ADGRL2: variants seen among roughly 807,000 people sequenced by gnomAD.
ADGRL2 encodes calcium-independent alpha-latrotoxin receptor 2.
A neutral mutation model predicts 157.4 loss-of-function variants in ADGRL2; 44 were observed. That is an observed-to-expected ratio of 0.28 (90% confidence interval 0.22 to 0.36). The LOEUF (loss-of-function observed/expected upper bound fraction) is 0.36, where lower values mean the gene tolerates loss of function less well. Ranked by LOEUF, ADGRL2 falls within the 10% of genes least tolerant of loss-of-function variation. The probability of loss-of-function intolerance (pLI) is 1.00; values close to 1 mark genes in which losing one functional copy is unlikely to be tolerated. For missense variants in ADGRL2, 1,510 were observed against 1,768.9 expected, an observed-to-expected ratio of 0.85 and a Z score of 2.63; for synonymous variants, 585 against 624.7, an observed-to-expected ratio of 0.94 and a Z score of 0.95.
At chr1:81,503,640 C>T (rs1166458762) in intron 2 of ADGRL2, among the ~76,000 whole-genome samples, 20 of 152,038 alleles carry the variant, frequency 1.3e-4, no homozygotes, top group East Asian at 3.9e-4. Context: ...TGCTGTACTC[C>T]GGGGGCAGGG....
At chr1:81,427,368 A>G (rs2077237506) in intron 1 of ADGRL2, 2 of 734,676 alleles carry the variant, frequency 2.7e-6, no homozygotes, top group Non-Finnish European at 5.0e-6. Flanking sequence ...GGACCAGGAT[A>G]TGGAAACCAA....
intron 2 of ADGRL2, among the ~76,000 whole-genome samples, chr1:81,772,243 CT>C (rs1240656561): frequency 4.6e-5 from 6 of 131,124 alleles, no homozygotes; most frequent in Admixed American, 2.6e-4. Flanking sequence ...GAGCCAGACT[CT>C]ATCTCAAAAA....
chr1:81,915,259 T>C (rs937603459), intron 3 of ADGRL2, among the ~76,000 whole-genome samples: 1 of 152,062 alleles, frequency 6.6e-6, no homozygotes, highest in South Asian at 2.1e-4. Flanking sequence ...AAAAGTTTTT[T>C]TACAGACAGG....
At chr1:81,916,131 T>G (rs983450524) in intron 3 of ADGRL2, among the ~76,000 whole-genome samples, 19 of 152,296 alleles carry the variant, frequency 1.2e-4, no homozygotes, top group Middle Eastern at 3.4e-3. Context: ...ATGTATTTAC[T>G]TACTGTCTAA....
At chr1:81,396,506 T>C (rs2076657316) in intron 1 of ADGRL2, among the ~76,000 whole-genome samples, 1 of 152,182 alleles carries the variant, frequency 6.6e-6, no homozygotes. Context: ...TTTTGCCTGA[T>C]TCCTGTGGCT....
intron 2 of ADGRL2, among the ~76,000 whole-genome samples, chr1:81,774,974 T>A (rs1047399984): frequency 3.3e-5 from 5 of 152,156 alleles, no homozygotes; most frequent in African/African-American, 9.7e-5. Context: ...TCCCCTTCAA[T>A]ATGTCCCTAA....
At chr1:81,527,884 G>A (rs926497620) in intron 2 of ADGRL2, among the ~76,000 whole-genome samples, 2 of 151,920 alleles carry the variant, frequency 1.3e-5, no homozygotes, top group Non-Finnish European at 2.9e-5. Context: ...TGGCTAACAC[G>A]GTGAAACCCC....
chr1:81,837,413 C>G (rs17107284), intron 2 of ADGRL2, among the ~76,000 whole-genome samples: 21,305 of 151,818 alleles, frequency 0.14, 1,662 homozygotes, highest in East Asian at 0.2. Context: ...TCTTTAGTTA[C>G]ATTTGCTTAA....
chr1:81,674,801 A>C (rs2148929778), intron 3 of ADGRL2, among the ~76,000 whole-genome samples: 1 of 152,344 alleles, frequency 6.6e-6, no homozygotes, highest in African/African-American at 2.4e-5. Context: ...CACATTGTAG[A>C]ATAAGGGAAT....
chr1:81,770,833 A>G (rs1243732999), intron 2 of ADGRL2, among the ~76,000 whole-genome samples: 1 of 152,188 alleles, frequency 6.6e-6, no homozygotes, highest in Non-Finnish European at 1.5e-5. Flanking sequence ...ACTCTTAAAT[A>G]CCTTTTTTAC....
chr1:81,713,313 T>G (rs1381922183), intron 1 of ADGRL2, among the ~76,000 whole-genome samples: 1 of 152,170 alleles, frequency 6.6e-6, no homozygotes, highest in African/African-American at 2.4e-5. Context: ...CCAAATGCTG[T>G]TCAGTTAGTA....
chr1:81,908,842 A>G (rs540253895), intron 3 of ADGRL2, among the ~76,000 whole-genome samples: 1 of 150,772 alleles, frequency 6.6e-6, no homozygotes, highest in South Asian at 2.1e-4. Context: ...TACTTATTGT[A>G]TACTTAACTG....
chr1:81,706,743 G>A (rs1021846213), intron 1 of ADGRL2, among the ~76,000 whole-genome samples: 1 of 151,974 alleles, frequency 6.6e-6, no homozygotes, highest in Non-Finnish European at 1.5e-5. Flanking sequence ...AGGAAGAAAG[G>A]GTGGAGAGTT....
chr1:81,903,812 T>TATACACACACACAC (rs1257119908), intron 2 of ADGRL2, among the ~76,000 whole-genome samples: 2 of 120,528 alleles, frequency 1.7e-5, no homozygotes, highest in African/African-American at 7.3e-5. Flanking sequence ...ACATTTTATA[T>TATACACACACACAC]ACACACACAC....
chr1:81,898,627 T>C (rs549955377), intron 2 of ADGRL2, among the ~76,000 whole-genome samples: 24 of 152,322 alleles, frequency 1.6e-4, no homozygotes, highest in Middle Eastern at 3.4e-3. Flanking sequence ...TAAAAAAGCC[T>C]TATTACGCAT....
chr1:81,905,711 C>T (rs1557882973), intron 2 of ADGRL2, among the ~76,000 whole-genome samples: 1 of 152,036 alleles, frequency 6.6e-6, no homozygotes, highest in Admixed American at 6.5e-5. Flanking sequence ...TAGATTTATT[C>T]TGTTTTATTA....
rs79225116 is a variant in ADGRL2 at position 81,565,286 on chromosome 1, A to G, written c.-247-15590A>G. Reference sequence around the variant, plus strand: ...ACTAGAAAGTGCAACATACAAATACAAACTTTGCACTCTCCTTAGCTACAG... The same window carrying G: ...ACTAGAAAGTGCAACATACAAATACGAACTTTGCACTCTCCTTAGCTACAG... On this transcript the variant is annotated intron_variant, in intron 2 of 24. Coordinates refer to the ADGRL2 transcript ENST00000370721. Among the ~76,000 whole-genome samples the G allele has an allele frequency of 6.0e-4, 91 of 152,320 alleles. No individual in the cohort carries two copies. In the East Asian group the frequency reaches 0.016, roughly 26 times the overall value.
chr1:81,932,419 A>ATACATATT (rs1352545735), intron 3 of ADGRL2, among the ~76,000 whole-genome samples: 2 of 152,228 alleles, frequency 1.3e-5, no homozygotes, highest in Non-Finnish European at 2.9e-5. Context: ...TTAACATTGT[A>ATACATATT]AACTGTATTA....
At chr1:81,369,246 A>T (rs1255175570) in intron 1 of ADGRL2, among the ~76,000 whole-genome samples, 4 of 152,142 alleles carry the variant, frequency 2.6e-5, no homozygotes, top group Non-Finnish European at 5.9e-5. Flanking sequence ...GAAAGAGAAA[A>T]TGCACAAGCA....
Sources: gnomAD v4.1 joint callset for allele counts (sites outside exome capture counted in the v4.1 genomes callset) on GRCh38, gnomAD v4.1.1 for gene constraint, MANE v1.5 for transcripts, NCBI Gene and HGNC (gene_info 2026-07-23, HGNC 2026-07-21) for gene names.